EPHX3: variants seen among roughly 807,000 people sequenced by gnomAD.
The protein encoded by EPHX3 is abhydrolase domain containing 9.
In EPHX3, 39 loss-of-function variants were observed where a neutral mutation model predicts 40.2. The observed-to-expected ratio is 0.97, with a 90% CI of 0.75 to 1.27. EPHX3 has a LOEUF of 1.27. EPHX3 is among the 50% of genes most tolerant of loss of function. EPHX3 has a pLI of 0.00. For missense variants in EPHX3, 442 were observed against 474.0 expected, an observed-to-expected ratio of 0.93 and a Z score of 0.63; for synonymous variants, 213 against 209.7, an observed-to-expected ratio of 1.02 and a Z score of -0.14.
intron 2 of EPHX3, 129 bp from the exon 3 acceptor site, chr19:15,231,525 TC>T: frequency 7.8e-7 from 1 of 1,287,420 alleles, no homozygotes; most frequent in Non-Finnish European, 1.1e-6. Flanking sequence ...GGATGGGGAA[TC>T]CCAGGCAGAG....
chr19:15,228,964 C>G (rs1287370515), intron 4 of EPHX3, among the ~76,000 whole-genome samples: 5 of 151,430 alleles, frequency 3.3e-5, no homozygotes, highest in Non-Finnish European at 5.9e-5. Flanking sequence ...GCACTCCAGC[C>G]TGGACCACAG....
Position 15,227,409 on chromosome 19 carries a change from T to G in EPHX3, c.*28A>C, listed in dbSNP as rs2047119530. On this transcript the variant is annotated 3_prime_UTR_variant, in exon 7 of 7. Coordinates refer to ENST00000221730, the MANE Select transcript of EPHX3 (RefSeq NM_024794.3). Reference sequence around the variant, plus strand: ...GTGTGTGTTCCTTCCTGAGTATCCATGCCTCCTGGGCAGGCCAGCAAGGAC... The same window carrying G: ...GTGTGTGTTCCTTCCTGAGTATCCAGGCCTCCTGGGCAGGCCAGCAAGGAC... 4 of 1,580,308 alleles carry G rather than the reference T, an allele frequency of 2.5e-6. No individual in the cohort carries two copies. Among genetic ancestry groups the G allele is most frequent in the Non-Finnish European group, 2.6e-6 (3 of 1,149,712 alleles).
In EPHX3 at chr19:15,230,806, C is replaced by T. The variant is rs79138793; in HGVS notation, c.616+156G>A. ...CTGGGTCTGGCGTGTCATTAATTTC[C>T]GAATGAGGAGTTCCACAACCGAAGG... On this transcript the variant is annotated intron_variant, in intron 4 of 6. Transcript: ENST00000221730. 5.0e-3 allele frequency among the ~76,000 whole-genome samples: 754 copies of T among 152,136 alleles called. 14 individuals carry two copies. Among genetic ancestry groups the T allele is most frequent in the South Asian group, 0.02 (98 of 4,806 alleles).
intron 2 of EPHX3, 75 bp from the exon 3 acceptor site, chr19:15,231,471 C>A: frequency 1.3e-6 from 2 of 1,526,184 alleles, no homozygotes; most frequent in South Asian, 1.2e-5. Context: ...CATCAGCAAC[C>A]ATTGGCAAAC....
At chr19:15,232,933 T>G (rs1352626959), upstream of EPHX3, 1 of 149,414 alleles carries the variant, frequency 6.7e-6, no homozygotes, top group Non-Finnish European at 1.5e-5. Context: ...AAGGAGGGGA[T>G]CCTGGATCTT....
chr19:15,231,396 C>T lies in EPHX3; in HGVS notation c.330G>A (p.Trp110Ter), dbSNP rs761260851. 6.2e-7 allele frequency: 1 copy of T among 1,613,420 alleles called. No individual in the cohort carries two copies. The highest frequency in any genetic ancestry group is 1.1e-5 in the South Asian group (1 of 91,068). ...MLFLHGFPEN[W>*]FSWRYQLREF... ...CCCGGAGCTGGTAACGCCAGGAGAA[C>T]CTGCCAGGCGGGCGAGGGAGGGAGG... Residue 110 changes from tryptophan (W) to a stop codon, truncating the protein, a stop_gained and splice_region_variant, in exon 3 of 7, where the codon TGG (tryptophan) becomes TGA (stop). Coordinates refer to ENST00000221730, the MANE Select transcript of EPHX3 (RefSeq NM_024794.3). LOFTEE classifies it high-confidence loss of function.
chr19:15,231,744 C>T (rs1005611405), intron 2 of EPHX3, 32 bp downstream of exon 2: 1 of 1,610,938 alleles, frequency 6.2e-7, no homozygotes, highest in African/African-American at 1.3e-5. Flanking sequence ...CCCCGAGTCC[C>T]GTGGGCCTCA....
intron 4 of EPHX3, among the ~76,000 whole-genome samples, chr19:15,230,436 G>A (rs573221932): frequency 4.6e-5 from 7 of 152,270 alleles, no homozygotes; most frequent in South Asian, 2.1e-4. Flanking sequence ...CTCCCAAAGT[G>A]CAGGGATTAC....
At chr19:15,231,150 G>C (rs1238848571) in intron 3 of EPHX3, 60 bp from the exon 4 acceptor site, 2 of 1,612,380 alleles carry the variant, frequency 1.2e-6, no homozygotes, top group Non-Finnish European at 1.7e-6. Flanking sequence ...AGCAGGGATG[G>C]GGGAAGTAGG....
chr19:15,229,054 G>A (rs529618180), intron 4 of EPHX3, among the ~76,000 whole-genome samples: 53 of 152,116 alleles, frequency 3.5e-4, no homozygotes, highest in Non-Finnish European at 5.1e-4. Flanking sequence ...TGCCCTCAGG[G>A]AGCTGACAGT....
At chr19:15,228,125 G>GAT (rs755479580) in intron 4 of EPHX3, 25 bp from the exon 5 acceptor site, 16 of 1,534,140 alleles carry the variant, frequency 1.0e-5, no homozygotes, top group African/African-American at 1.4e-5. Context: ...TTGGGGGAGA[G>GAT]ATATAAGGCC....
Position 15,232,391 on chromosome 19 carries a change from A to T in EPHX3, c.-180T>A. ...CTCCGACAGAAAACAGCCAGAGCGC[A>T]CCACTCACCTGAGTGCCAGGTAAAC... On this transcript the variant is annotated 5_prime_UTR_variant, in exon 1 of 7. Coordinates refer to ENST00000221730, the MANE Select transcript of EPHX3 (RefSeq NM_024794.3). The T allele has an allele frequency of 7.3e-7, 1 of 1,369,512 alleles. No individual in the cohort carries two copies. Among genetic ancestry groups the T allele is most frequent in the Non-Finnish European group, 9.3e-7 (1 of 1,070,130 alleles). 84.8% of individuals were successfully genotyped at this position (1,369,512 alleles called of 1,614,324 possible).
Position 15,228,841 on chromosome 19 carries a change from A to G in EPHX3, c.617-741T>C, listed in dbSNP as rs545873293. ...GCCTCCAAAAAATAATTTTTTAAAAATTAGCAGGGTGTGGTGGTGTGTGCC... is the reference window on the plus strand; with the variant it reads ...GCCTCCAAAAAATAATTTTTTAAAAGTTAGCAGGGTGTGGTGGTGTGTGCC... On this transcript the variant is annotated intron_variant, in intron 4 of 6. Transcript: ENST00000221730. Among the ~76,000 whole-genome samples the G allele has an allele frequency of 9.2e-5, 14 of 152,104 alleles. No homozygotes were observed. The South Asian group carries it at 2.9e-3, about 32-fold the overall frequency.
At chr19:15,227,748 T>G in intron 6 of EPHX3, 23 bp downstream of exon 6, 1 of 1,612,292 alleles carries the variant, frequency 6.2e-7, no homozygotes, top group Non-Finnish European at 8.5e-7. Flanking sequence ...TCTCCTGAGC[T>G]TATGCTTGGC....
intron 6 of EPHX3, 47 bp from the exon 7 acceptor site, chr19:15,227,709 G>A (rs373304201): frequency 1.2e-6 from 2 of 1,610,276 alleles, no homozygotes; most frequent in Admixed American, 1.7e-5. Context: ...CAGAAGGATG[G>A]TTGCCTCCCA....
chr19:15,235,156 C>T (rs556324436), upstream of EPHX3, among the ~76,000 whole-genome samples: 14 of 152,080 alleles, frequency 9.2e-5, no homozygotes, highest in South Asian at 8.3e-4. Context: ...TGTGTGCTAC[C>T]GCGCCCCGCT....
chr19:15,228,758 A>G (rs2047132090), intron 4 of EPHX3, among the ~76,000 whole-genome samples: 2 of 151,632 alleles, frequency 1.3e-5, no homozygotes, highest in South Asian at 4.2e-4. Flanking sequence ...GGACCTCATG[A>G]TCCACCCGCC....
upstream of EPHX3, among the ~76,000 whole-genome samples, chr19:15,233,588 C>A (rs938916091): frequency 1.3e-5 from 2 of 152,192 alleles, no homozygotes; most frequent in African/African-American, 4.8e-5. Context: ...GCCCAGGCTC[C>A]GAGAGCGGGC....
rs753680965 is a variant in EPHX3 at position 15,231,409 on chromosome 19, C to A, written c.330-13G>T. 6.2e-7 allele frequency: 1 copy of A among 1,612,352 alleles called. No homozygotes were observed. Among genetic ancestry groups the A allele is most frequent in the South Asian group, 1.1e-5 (1 of 90,954 alleles). On this transcript the variant is annotated splice_polypyrimidine_tract_variant and intron_variant, in intron 2 of 6. Transcript: ENST00000221730. ...ACGCCAGGAGAACCTGCCAGGCGGG[C>A]GAGGGAGGGAGGCTGAGTCAGGGCC...
Sources: allele counts gnomAD v4.1 joint callset (sites outside exome capture counted in the v4.1 genomes callset), GRCh38; gene constraint gnomAD v4.1.1; transcripts MANE v1.5; gene names NCBI Gene and HGNC (gene_info 2026-07-23, HGNC 2026-07-21).